Variants in TF observed in about 807,000 individuals in gnomAD.
The protein encoded by TF is transferrin, also known as serotransferrin.
Under a neutral mutation model 82.4 loss-of-function variants are expected in TF, and 55 were observed. The observed-to-expected ratio is 0.67, with a 90% confidence interval of 0.54 to 0.84. The LOEUF (loss-of-function observed/expected upper bound fraction) is 0.84, where lower values mean the gene tolerates loss of function less well. TF is among the 40% of genes least tolerant of loss of function. The probability of loss-of-function intolerance (pLI) is 0.00; values close to 1 mark genes in which losing one functional copy is unlikely to be tolerated. For missense variants in TF, 737 were observed against 868.4 expected, an observed-to-expected ratio of 0.85 and a Z score of 1.90; for synonymous variants, 332 against 332.6, an observed-to-expected ratio of 1.00 and a Z score of 0.02.
the TF span, among the ~76,000 whole-genome samples, chr3:133,689,747 AC>A: frequency 2.0e-5 from 3 of 152,190 alleles, no homozygotes; most frequent in African/African-American, 7.2e-5. Context: ...CCATTCAACT[AC>A]CTAATTATCT....
the TF span, among the ~76,000 whole-genome samples, chr3:133,718,122 T>C: frequency 6.6e-6 from 1 of 151,228 alleles, no homozygotes; most frequent in Non-Finnish European, 1.5e-5. Flanking sequence ...TGATGGTGAG[T>C]GAGGATGATT....
Position 133,754,682 on chromosome 3 carries a change from A to G in TF, c.502+11A>G, listed in dbSNP as rs1408473889. 2 of 1,613,978 alleles carry G rather than the reference A, an allele frequency of 1.2e-6. No individual in the cohort carries two copies. The highest frequency in any genetic ancestry group is 2.7e-5 in the African/African-American group (2 of 74,934). ...AACCTCTTGAGAAAGGTAAGCTGGC[A>G]GGAGTCTGGGTGCCCTCGAGCAGCT... On this transcript the variant is annotated intron_variant, in intron 4 of 16. Transcript: ENST00000402696.
intron 13 of TF, 118 bp downstream of exon 13, chr3:133,768,282 A>G: frequency 5.1e-6 from 7 of 1,381,852 alleles, no homozygotes; most frequent in Non-Finnish European, 7.0e-6. Flanking sequence ...GTATTAAGAG[A>G]GTATATTTCA....
At chr3:133,725,689 C>T in the TF span, among the ~76,000 whole-genome samples, 1 of 151,938 alleles carries the variant, frequency 6.6e-6, no homozygotes, top group African/African-American at 2.4e-5. Flanking sequence ...ACTTCCAACA[C>T]TATGTTGAAT....
Position 133,756,309 on chromosome 3 carries a change from G to A in TF, c.663G>A (p.Val221=). ...FKCLKDGAGD[V]AFVKHSTIFE... ...GTCTGAAGGATGGTGCTGGGGATGT[G>A]GCCTTTGTCAAGCACTCGACTATAT... Residue 221 remains valine (V), a synonymous_variant, in exon 6 of 17, where the codon GTG becomes GTA. Coordinates refer to ENST00000402696, the MANE Select transcript of TF (RefSeq NM_001063.4). The A allele has an allele frequency of 6.2e-7, 1 of 1,614,126 alleles. No individual in the cohort carries two copies. The highest frequency in any genetic ancestry group is 8.5e-7 in the Non-Finnish European group (1 of 1,180,038).
At chr3:133,737,998 A>G in the TF span, among the ~76,000 whole-genome samples, 2,529 of 152,342 alleles carry the variant, frequency 0.017, 53 homozygotes, top group South Asian at 0.092. Flanking sequence ...AACCTGGCAG[A>G]GACACAACAA....
At chr3:133,756,148 A>G (rs1576358677) in intron 5 of TF, 134 bp from the exon 6 acceptor site, 1 of 813,002 alleles carries the variant, frequency 1.2e-6, no homozygotes, top group Non-Finnish European at 2.1e-6. Context: ...TCTGCACACC[A>G]TGGTGTTGCT....
chr3:133,771,202 A>T (rs1934249611), intron 14 of TF, among the ~76,000 whole-genome samples: 1 of 152,230 alleles, frequency 6.6e-6, no homozygotes, highest in Non-Finnish European at 1.5e-5. Flanking sequence ...CAGTGATGGG[A>T]CACTCAAAGC....
intron 1 of TF, chr3:133,748,093 A>G (rs1439742154): frequency 2.2e-5 from 9 of 406,130 alleles, no homozygotes; most frequent in Non-Finnish European, 4.2e-5. Flanking sequence ...ATGGGGGGCC[A>G]GGGGCCAGGA....
At chr3:133,665,735 G>A in the TF span, among the ~76,000 whole-genome samples, 4 of 151,548 alleles carry the variant, frequency 2.6e-5, no homozygotes, top group South Asian at 2.1e-4. Context: ...ATCTGAGATC[G>A]GGAGTTCGAG....
the TF span, among the ~76,000 whole-genome samples, chr3:133,674,066 A>G: frequency 0.13 from 19,623 of 152,174 alleles, 1,683 homozygotes; most frequent in Non-Finnish European, 0.2. Context: ...CCCATTTGGG[A>G]GGAAGAATCT....
At chr3:133,666,402 A>T in the TF span, among the ~76,000 whole-genome samples, 1 of 152,070 alleles carries the variant, frequency 6.6e-6, no homozygotes, top group Non-Finnish European at 1.5e-5. Context: ...TGAACTCCTG[A>T]TCTTGTGATT....
At chr3:133,758,066 C>CT (rs1412531951) in intron 8 of TF, 120 bp downstream of exon 8, 3 of 936,810 alleles carry the variant, frequency 3.2e-6, no homozygotes, top group Non-Finnish European at 4.9e-6. Flanking sequence ...TTTTTCTGAC[C>CT]TGTCTGTGAG....
At chr3:133,699,014 A>G in the TF span, among the ~76,000 whole-genome samples, 1 of 152,350 alleles carries the variant, frequency 6.6e-6, no homozygotes, top group Non-Finnish European at 1.5e-5. Context: ...CGTCAGCCCC[A>G]GACTAGTTAC....
At chr3:133,748,667 C>T (rs776040462) in intron 2 of TF, 83 bp downstream of exon 2, 2 of 1,526,794 alleles carry the variant, frequency 1.3e-6, no homozygotes, top group Non-Finnish European at 8.9e-7. Context: ...TCTTTACTCA[C>T]AGGTAGGAGG....
intron 15 of TF, among the ~76,000 whole-genome samples, chr3:133,776,350 A>T (rs1483482192): frequency 6.6e-6 from 1 of 152,212 alleles, no homozygotes; most frequent in African/African-American, 2.4e-5. Flanking sequence ...GGGCTGCCTG[A>T]GTATTCTAAT....
the TF span, among the ~76,000 whole-genome samples, chr3:133,683,686 A>G: frequency 6.6e-6 from 1 of 152,214 alleles, no homozygotes; most frequent in African/African-American, 2.4e-5. Context: ...ATACAGGAGC[A>G]CCCAGATTCG....
chr3:133,672,263 A>G, the TF span, among the ~76,000 whole-genome samples: 2 of 152,198 alleles, frequency 1.3e-5, no homozygotes, highest in Non-Finnish European at 2.9e-5. Context: ...AGGTGGCTTC[A>G]CTGGTGAGGC....
Position 133,778,677 on chromosome 3 carries a change from G to A in TF, c.*57G>A, listed in dbSNP as rs1034642150. 1.9e-6 allele frequency: 3 copies of A among 1,595,668 alleles called. No individual in the cohort carries two copies. The African/African-American group carries it at 4.0e-5, about 21-fold the overall frequency. ...AGATGGGAACGCAGATGATCCATGA[G>A]TTTGCCCTGGTTTCACTGGCCCAAG... On this transcript the variant is annotated 3_prime_UTR_variant, in exon 17 of 17. Coordinates refer to ENST00000402696, the MANE Select transcript of TF (RefSeq NM_001063.4).
Sources: allele counts gnomAD v4.1 joint callset (sites outside exome capture counted in the v4.1 genomes callset), GRCh38; gene constraint gnomAD v4.1.1; transcripts MANE v1.5; gene names NCBI Gene and HGNC (gene_info 2026-07-23, HGNC 2026-07-21).